CCDC157: variants seen among roughly 807,000 people sequenced by gnomAD.
CCDC157 encodes coiled-coil domain-containing protein 157.
In CCDC157, 60 loss-of-function variants were observed where a neutral mutation model predicts 70.9. The ratio of observed to expected loss-of-function variants is 0.85; its 90% CI spans 0.69 to 1.05. The LOEUF is 1.05. Ranked by LOEUF, CCDC157 falls within the 50% of genes least tolerant of loss-of-function variation. CCDC157 has a pLI of 0.00. For missense variants in CCDC157, 943 were observed against 984.2 expected (o/e 0.96, Z 0.56); for synonymous variants, 373 against 422.4 (o/e 0.88, Z 1.43).
At chr22:30,366,448 T>C (rs375395790) in intron 3 of CCDC157, 200 bp downstream of exon 3, 2 of 655,378 alleles carry the variant, frequency 3.1e-6, no homozygotes, top group African/African-American at 1.8e-5. Flanking sequence ...TGTGCTGTGC[T>C]ATCCTGTGTT....
rs1035565852 is a variant in CCDC157, at chr22:30,372,378, T to C, written c.1335+92T>C. Reference sequence around the variant, plus strand: ...GTCAGGGAATGGGGGATCATCTATATTGGGCATCTGCTCCCTGAGATGCCT... The same window carrying C: ...GTCAGGGAATGGGGGATCATCTATACTGGGCATCTGCTCCCTGAGATGCCT... On this transcript the variant is annotated intron_variant, in intron 7 of 11. Coordinates refer to ENST00000338306, the MANE Select transcript of CCDC157 (RefSeq NM_001017437.5). The C allele has an allele frequency of 2.1e-6, 3 of 1,421,074 alleles. No homozygotes were observed. The South Asian group carries it at 4.4e-5, about 21-fold the overall frequency. 88.0% of individuals were successfully genotyped at this position (1,421,074 alleles called of 1,614,324 possible).
At chr22:30,372,564 C>T (rs1194987199) in intron 7 of CCDC157, 3 of 373,328 alleles carry the variant, frequency 8.0e-6, no homozygotes, top group Non-Finnish European at 1.4e-5. Context: ...TGCCAGATGG[C>T]TAAGGGGTGC....
chr22:30,364,402 C>T (rs1174156683), intron 2 of CCDC157, among the ~76,000 whole-genome samples: 1 of 152,112 alleles, frequency 6.6e-6, no homozygotes, highest in African/African-American at 2.4e-5. Flanking sequence ...ATTCTAAGTA[C>T]ACTGATTTGA....
rs1933437560 is a variant in CCDC157 at position 30,377,744 on chromosome 22, C to G, written c.*999C>G. The G allele has an allele frequency of 5.2e-6, 1 of 192,462 alleles. No individual in the cohort carries two copies. Among genetic ancestry groups the G allele is most frequent in the Non-Finnish European group, 1.1e-5 (1 of 90,272 alleles). The allele number at this position is 192,462 out of a possible 1,614,324, so 11.9% of individuals were successfully genotyped here. On this transcript the variant is annotated 3_prime_UTR_variant, in exon 12 of 12. Transcript: ENST00000338306. The stretch of plus-strand genomic sequence containing the variant: ...GGAGGCTGGGGTGCCCCGGGCACCC[C>G]CCTCACAGGGGAGCACCATCCCTCA...
At chr22:30,371,008 T>G (rs1413328494) in intron 5 of CCDC157, 58 bp downstream of exon 5, 1 of 1,526,386 alleles carries the variant, frequency 6.6e-7, no homozygotes, top group Non-Finnish European at 8.8e-7. Flanking sequence ...AGCCTTTGCA[T>G]GGATGTTTGT....
At chr22:30,371,905 A>G (rs1821612989) in intron 6 of CCDC157, 170 bp from the exon 7 acceptor site, 2 of 730,742 alleles carry the variant, frequency 2.7e-6, no homozygotes, top group Non-Finnish European at 4.5e-6. Flanking sequence ...GCCACCTCCT[A>G]CCGAGAAAGC....
intron 2 of CCDC157, 74 bp from the exon 3 acceptor site, chr22:30,365,916 G>T: frequency 7.2e-7 from 1 of 1,391,536 alleles, no homozygotes; most frequent in Non-Finnish European, 9.7e-7. Flanking sequence ...CTGGGCAGAT[G>T]AGGGTTTCAG....
In CCDC157 at chr22:30,370,377, G is replaced by T. The variant is rs143249037; in HGVS notation, c.472G>T (p.Glu158Ter). 2 of 1,613,930 alleles carry T rather than the reference G, an allele frequency of 1.2e-6. No homozygotes were observed. The highest frequency in any genetic ancestry group is 1.3e-5 in the African/African-American group (1 of 74,896). ...CACCTCCAAGCCCACCACCAAGGGC[G>T]AGCCAGCCAGGAGCCCTGAATATCT... The part of the protein sequence containing the change: ...TPTSKPTTKG[E>*]PARSPEYLTT... The change falls in exon 5 of 12, where the codon GAG becomes TAG. Residue 158 changes from glutamate to a stop codon, truncating the protein, a stop_gained. Transcript: ENST00000338306. LOFTEE classifies it high-confidence loss of function.
At position 30,378,552 on chromosome 22, in the gene CCDC157, C is replaced by T. The variant is rs5749086; in HGVS notation, c.*1807C>T. 31,164 of 154,522 alleles carry T rather than the reference C, an allele frequency of 0.2. 3,416 individuals carry two copies. Among genetic ancestry groups the T allele is most frequent in the Middle Eastern group, 0.35 (106 of 304 alleles). The allele number at this position is 154,522 out of a possible 1,614,324, so 9.6% of individuals were successfully genotyped here. On this transcript the variant is annotated 3_prime_UTR_variant, in exon 12 of 12. Coordinates refer to ENST00000338306, the MANE Select transcript of CCDC157 (RefSeq NM_001017437.5). Reference sequence around the variant, plus strand: ...CTGAGACAGGAGAATTGCTTGAACCCGGGAGGCGGAGGTTGCAGTGAGGCG... The same window carrying T: ...CTGAGACAGGAGAATTGCTTGAACCTGGGAGGCGGAGGTTGCAGTGAGGCG...
upstream of CCDC157, chr22:30,356,850 A>C: frequency 1.6e-6 from 2 of 1,264,698 alleles, no homozygotes; most frequent in Non-Finnish European, 2.0e-6. Flanking sequence ...TGCCGCCTCA[A>C]GACAGCCTCC....
rs143878154 is a variant in CCDC157, at chr22:30,370,838, G to T, written c.933G>T (p.Ala311=). The change falls in exon 5 of 12, where the codon GCG becomes GCT. Residue 311 remains alanine, a synonymous_variant. Transcript: ENST00000338306. Reference sequence around the variant, plus strand: ...AGAAGGATGGCCTGAGGAAGCAGGCGGGCAAGCTGGAGCAGGCGCTGAAAC... The same window carrying T: ...AGAAGGATGGCCTGAGGAAGCAGGCTGGCAAGCTGGAGCAGGCGCTGAAAC... ...EGQKDGLRKQ[A]GKLEQALKQE... is the part of the protein sequence containing the mutation. 3 of 1,612,740 alleles carry T rather than the reference G, an allele frequency of 1.9e-6. No homozygotes were observed. The highest frequency in any genetic ancestry group is 2.2e-5 in the South Asian group (2 of 91,052).
chr22:30,356,762 G>A, upstream of CCDC157: 1 of 1,482,984 alleles, frequency 6.7e-7, no homozygotes, highest in Non-Finnish European at 9.0e-7. Context: ...GGCGGCGGCG[G>A]GGGCACCGCC....
Position 30,376,239 on chromosome 22 carries a change from C to CTTT in CCDC157, c.1858-7_1858-5dup, listed in dbSNP as rs35246021. 8,959 of 1,446,814 alleles carry CTTT rather than the reference C, an allele frequency of 6.2e-3. 46 individuals carry two copies. Among genetic ancestry groups the CTTT allele is most frequent in the Non-Finnish European group, 7.3e-3 (7,707 of 1,057,672 alleles). 89.6% of individuals were successfully genotyped at this position (1,446,814 alleles called of 1,614,324 possible). On this transcript the variant is annotated intron_variant, in intron 10 of 11. Coordinates refer to ENST00000338306, the MANE Select transcript of CCDC157 (RefSeq NM_001017437.5). ...GACTCCTGGGCCCTTATAAGACTGGCTTTTTTTTTTTTTTTGTAGCTGATC... is the reference window on the plus strand; with the variant it reads ...GACTCCTGGGCCCTTATAAGACTGGCTTTTTTTTTTTTTTTTTTGTAGCTGATC...
rs1933445447 is a variant in CCDC157 at position 30,378,018 on chromosome 22, G to A, written c.*1273G>A. ...AATTGGCTTCCAAGCTCCACTTGTT[G>A]GCAGAATTCCGATCCTTGCGGCTGT... On this transcript the variant is annotated 3_prime_UTR_variant, in exon 12 of 12. Coordinates refer to ENST00000338306, the MANE Select transcript of CCDC157 (RefSeq NM_001017437.5). 1 of 427,280 alleles carries A rather than the reference G, an allele frequency of 2.3e-6. No individual in the cohort carries two copies. The highest frequency in any genetic ancestry group is 2.1e-5 in the African/African-American group (1 of 48,482). 26.5% of individuals were successfully genotyped at this position (427,280 alleles called of 1,614,324 possible). A position where few individuals can be genotyped will look rare whatever the true frequency, so the allele number is the denominator to read the frequency against.
At chr22:30,365,705 C>T (rs1932673738) in intron 2 of CCDC157, among the ~76,000 whole-genome samples, 1 of 152,098 alleles carries the variant, frequency 6.6e-6, no homozygotes, top group Non-Finnish European at 1.5e-5. Context: ...CTGTATCCAC[C>T]CAGCCTTGAG....
At chr22:30,365,134 C>T (rs1932633923) in intron 2 of CCDC157, among the ~76,000 whole-genome samples, 1 of 152,120 alleles carries the variant, frequency 6.6e-6, no homozygotes, top group Non-Finnish European at 1.5e-5. Context: ...ATTATCTAAG[C>T]CAGCATGGAG....
chr22:30,359,970 C>T (rs886295496), intron 1 of CCDC157, among the ~76,000 whole-genome samples: 2 of 152,112 alleles, frequency 1.3e-5, no homozygotes, highest in African/African-American at 4.8e-5. Context: ...CATAGCAAGT[C>T]TCTGTCTTTA....
chr22:30,360,675 AC>A (rs1932271249), intron 1 of CCDC157, among the ~76,000 whole-genome samples: 1 of 152,088 alleles, frequency 6.6e-6, no homozygotes, highest in African/African-American at 2.4e-5. Context: ...ACTTTGGAAG[AC>A]CAAGGAGGGT....
At chr22:30,366,622 C>T in intron 3 of CCDC157, 1 of 315,668 alleles carries the variant, frequency 3.2e-6, no homozygotes, top group South Asian at 3.7e-5. Flanking sequence ...TCCGGGCTCT[C>T]TTTCCTGTTG....
Sources: allele counts gnomAD v4.1 joint callset (sites outside exome capture counted in the v4.1 genomes callset), GRCh38; gene constraint gnomAD v4.1.1; transcripts MANE v1.5; gene names NCBI Gene and HGNC (gene_info 2026-07-23, HGNC 2026-07-21).